The following NUMB variants were observed in gnomAD, a reference collection of about 807,000 sequenced individuals.
NUMB encodes the protein protein numb homolog.
A neutral mutation model predicts 59.7 loss-of-function variants in NUMB; 29 were observed. That is an observed-to-expected ratio of 0.49 (90% CI 0.36 to 0.66). The LOEUF is 0.66. Ranked by LOEUF, NUMB falls within the 30% of genes least tolerant of loss-of-function variation. NUMB has a pLI of 0.00. For missense variants in NUMB, 723 were observed against 822.0 expected, an observed-to-expected ratio of 0.88 and a Z score of 1.47; for synonymous variants, 288 against 288.2, an observed-to-expected ratio of 1.00 and a Z score of 0.01.
chr14:73,398,647 C>A (rs1254217135), intron 2 of NUMB, among the ~76,000 whole-genome samples: 2 of 151,672 alleles, frequency 1.3e-5, no homozygotes, highest in Non-Finnish European at 2.9e-5. Flanking sequence ...AAAAGATGCC[C>A]AACCTCACAA....
intron 3 of NUMB, among the ~76,000 whole-genome samples, chr14:73,364,961 G>C (rs1008936310): frequency 6.6e-6 from 1 of 152,124 alleles, no homozygotes; most frequent in African/African-American, 2.4e-5. Flanking sequence ...AAGAAATAAA[G>C]CATGGGAAAG....
chr14:73,297,331 ATAT>A, intron 6 of NUMB, 46 bp from the exon 7 acceptor site: 1 of 1,123,746 alleles, frequency 8.9e-7, no homozygotes, highest in Non-Finnish European at 1.3e-6. Context: ...CACATATATA[ATAT>A]TAAAAAAATG....
rs75556447 is a variant in NUMB, at chr14:73,442,957, G to A, written c.-233+15536C>T. 6.5e-3 allele frequency among the ~76,000 whole-genome samples: 981 copies of A among 151,974 alleles called. 10 individuals are homozygous for A. Among genetic ancestry groups the A allele is most frequent in the African/African-American group, 0.022 (914 of 41,446 alleles). On this transcript the variant is annotated intron_variant, in intron 1 of 12. Coordinates refer to ENST00000555238, the MANE Select transcript of NUMB (RefSeq NM_001005743.2). ...AGCTCACTGCAACCTCTACCTCCTC[G>A]GCTCAAGTGATCCTCCTGCCTCAGC...
chr14:73,287,018 A>C, intron 9 of NUMB, 92 bp downstream of exon 9: 1 of 1,220,218 alleles, frequency 8.2e-7, no homozygotes. Flanking sequence ...GTTCTCTTTG[A>C]TTATGAGAAA....
chr14:73,291,927 G>A (rs868551369), intron 8 of NUMB, among the ~76,000 whole-genome samples: 8 of 151,944 alleles, frequency 5.3e-5, no homozygotes, highest in Non-Finnish European at 8.8e-5. Flanking sequence ...CTCGTGATCC[G>A]CCTGCCTCGG....
intron 6 of NUMB, among the ~76,000 whole-genome samples, chr14:73,302,738 G>C (rs970495976): frequency 2.6e-5 from 4 of 151,872 alleles, no homozygotes; most frequent in African/African-American, 9.7e-5. Flanking sequence ...TTGTAAACTT[G>C]AGTCTTTCAT....
intron 3 of NUMB, among the ~76,000 whole-genome samples, chr14:73,361,267 T>C (rs559175093): frequency 3.7e-4 from 56 of 152,360 alleles, no homozygotes; most frequent in Middle Eastern, 6.8e-3. Context: ...TTCAATAAGT[T>C]ATCTAACTTG....
At chr14:73,387,740 A>T (rs540689932) in intron 2 of NUMB, among the ~76,000 whole-genome samples, 1 of 149,078 alleles carries the variant, frequency 6.7e-6, no homozygotes, top group Non-Finnish European at 1.5e-5. Context: ...CTCAAAAAAA[A>T]AAAAACAAAA....
chr14:73,282,296 T>G (rs1175929483), intron 11 of NUMB, 63 bp downstream of exon 11: 1 of 1,546,344 alleles, frequency 6.5e-7, no homozygotes, highest in African/African-American at 1.4e-5. Flanking sequence ...TTACAGTTAG[T>G]GAGCAGTGTA....
At chr14:73,397,161 C>T (rs1319702433) in intron 2 of NUMB, among the ~76,000 whole-genome samples, 1 of 149,916 alleles carries the variant, frequency 6.7e-6, no homozygotes, top group Non-Finnish European at 1.5e-5. Context: ...AAAATAACCA[C>T]AGATTCCTGG....
At chr14:73,295,265 G>T (rs1050708435) in intron 7 of NUMB, among the ~76,000 whole-genome samples, 1 of 152,016 alleles carries the variant, frequency 6.6e-6, no homozygotes, top group African/African-American at 2.4e-5. Flanking sequence ...ATTAGTTCCC[G>T]CTTATAGTGA....
rs569663418 is a variant in NUMB at position 73,349,271 on chromosome 14, G to A, written c.126+6355C>T. 1.8e-3 allele frequency among the ~76,000 whole-genome samples: 279 copies of A among 151,968 alleles called. 2 individuals are homozygous for A. The highest frequency in any genetic ancestry group is 3.7e-3 in the Admixed American group (57 of 15,260). ...GTTCAAGGCCAGGCTGGCCAACATG[G>A]AGAAACACCAACTCTACTAAAAATA... On this transcript the variant is annotated intron_variant, in intron 4 of 12. Transcript: ENST00000555238.
intron 4 of NUMB, among the ~76,000 whole-genome samples, chr14:73,353,069 C>CTAGTTTTTTTTTT (rs1893516329): frequency 5.5e-5 from 1 of 18,084 alleles, no homozygotes; most frequent in Non-Finnish European, 1.0e-4. Context: ...CACAGTTTTT[C>CTAGTTTTTTTTTT]TTGTTTTTTT....
chr14:73,386,867 A>ATTCTTT (rs1895556992), intron 2 of NUMB, among the ~76,000 whole-genome samples: 1 of 79,838 alleles, frequency 1.3e-5, no homozygotes, highest in South Asian at 5.3e-4. Flanking sequence ...CAGGTGTCTT[A>ATTCTTT]TTTTTTTTTT....
chr14:73,353,002 T>C (rs1441508012), intron 4 of NUMB, among the ~76,000 whole-genome samples: 4 of 148,102 alleles, frequency 2.7e-5, no homozygotes, highest in Non-Finnish European at 6.0e-5. Flanking sequence ...AAATACATAA[T>C]ACAGATCTAC....
intron 1 of NUMB, among the ~76,000 whole-genome samples, chr14:73,436,205 C>T (rs550490228): frequency 6.6e-6 from 1 of 152,110 alleles, no homozygotes; most frequent in African/African-American, 2.4e-5. Flanking sequence ...TTTTAAAGTA[C>T]ATTTTAAACA....
chr14:73,289,919 T>C (rs1235369621), intron 8 of NUMB, among the ~76,000 whole-genome samples: 1 of 152,136 alleles, frequency 6.6e-6, no homozygotes, highest in African/African-American at 2.4e-5. Flanking sequence ...TGTTGAAGAG[T>C]GACCTCATCC....
intron 2 of NUMB, among the ~76,000 whole-genome samples, chr14:73,384,910 T>TTTGG (rs1895427676): frequency 6.8e-6 from 1 of 147,854 alleles, no homozygotes. Context: ...TTTTTTTTTT[T>TTTGG]GAGACGGAGT....
At chr14:73,297,123 T>C in intron 7 of NUMB, 88 bp downstream of exon 7, 2 of 835,734 alleles carry the variant, frequency 2.4e-6, no homozygotes, top group African/African-American at 1.7e-5. Flanking sequence ...GCCGAGATCG[T>C]GCCATTGCAC....
Sources: allele counts gnomAD v4.1 joint callset (sites outside exome capture counted in the v4.1 genomes callset), GRCh38; gene constraint gnomAD v4.1.1; transcripts MANE v1.5; gene names NCBI Gene and HGNC (gene_info 2026-07-23, HGNC 2026-07-21).